ABAT: variants seen among roughly 807,000 people sequenced by gnomAD.
ABAT encodes the protein 4-aminobutyrate aminotransferase, also known as 4-aminobutyrate aminotransferase, mitochondrial.
In ABAT, 45 loss-of-function variants were observed where a neutral mutation model predicts 64.6. The ratio of observed to expected loss-of-function variants is 0.70; its 90% CI spans 0.55 to 0.89. The LOEUF (loss-of-function observed/expected upper bound fraction) is 0.89. Among genes scored for constraint, ABAT ranks in the 40% least tolerant of loss-of-function variants. ABAT has a pLI of 0.00. For missense variants in ABAT, 633 were observed against 658.4 expected (o/e 0.96, Z 0.42); for synonymous variants, 297 against 250.5 (o/e 1.19, Z -1.75).
intron 1 of ABAT, chr16:8,722,678 A>C: frequency 1.8e-6 from 1 of 546,650 alleles, no homozygotes; most frequent in Non-Finnish European, 2.9e-6. Flanking sequence ...AGATTTCTCC[A>C]ACCTCCTTGG....
intron 1 of ABAT, among the ~76,000 whole-genome samples, chr16:8,732,218 T>G (rs868553452): frequency 0.01 from 1,307 of 125,308 alleles, 53 homozygotes; most frequent in African/African-American, 0.036. Context: ...TGTTTGTTTG[T>G]TTTTTTAATT....
chr16:8,778,591 A>G (rs1460417065), intron 14 of ABAT, among the ~76,000 whole-genome samples: 3 of 150,820 alleles, frequency 2.0e-5, no homozygotes, highest in Non-Finnish European at 4.4e-5. Flanking sequence ...CCTGGCCTAC[A>G]TTGTGAAACC....
At chr16:8,692,810 T>C (rs954609208) in intron 1 of ABAT, among the ~76,000 whole-genome samples, 1 of 152,200 alleles carries the variant, frequency 6.6e-6, no homozygotes, top group Non-Finnish European at 1.5e-5. Flanking sequence ...CCCTACTACA[T>C]TTAAGGAGAA....
At chr16:8,688,809 A>T (rs192856286) in intron 1 of ABAT, among the ~76,000 whole-genome samples, 1 of 152,286 alleles carries the variant, frequency 6.6e-6, no homozygotes, top group Non-Finnish European at 1.5e-5. Flanking sequence ...TGGGCATGGT[A>T]TCTCACACCT....
intron 1 of ABAT, among the ~76,000 whole-genome samples, chr16:8,723,827 A>ATTTTTTTT (rs1157410078): frequency 2.5e-5 from 1 of 40,348 alleles, no homozygotes; most frequent in Non-Finnish European, 4.0e-5. Context: ...ATATATATAT[A>ATTTTTTTT]TTTTTTTTTT....
At chr16:8,779,407 A>T in intron 14 of ABAT, 72 bp from the exon 15 acceptor site, 1 of 1,338,732 alleles carries the variant, frequency 7.5e-7, no homozygotes, top group Non-Finnish European at 1.1e-6. Flanking sequence ...CCTTTGACGA[A>T]GCACAGCCAT....
chr16:8,725,907 C>T (rs986889613), intron 1 of ABAT, among the ~76,000 whole-genome samples: 2 of 152,140 alleles, frequency 1.3e-5, no homozygotes, highest in Non-Finnish European at 2.9e-5. Context: ...CAGTGGGTGC[C>T]CTCCAACACA....
At chr16:8,767,167 T>A (rs2059969201) in intron 9 of ABAT, among the ~76,000 whole-genome samples, 1 of 152,104 alleles carries the variant, frequency 6.6e-6, no homozygotes, top group Non-Finnish European at 1.5e-5. Flanking sequence ...TGGAAACATG[T>A]TTGGATTCCC....
chr16:8,679,351 C>T (rs1370342372), intron 1 of ABAT, among the ~76,000 whole-genome samples: 1 of 152,124 alleles, frequency 6.6e-6, no homozygotes, highest in Non-Finnish European at 1.5e-5. Context: ...AAGCCTCCTT[C>T]CTTACTGTGG....
At chr16:8,760,756 T>A (rs961760643) in intron 6 of ABAT, among the ~76,000 whole-genome samples, 4 of 152,130 alleles carry the variant, frequency 2.6e-5, no homozygotes, top group African/African-American at 7.2e-5. Flanking sequence ...GGCAGAAGCG[T>A]CCTCAACAAC....
intron 6 of ABAT, among the ~76,000 whole-genome samples, chr16:8,763,679 C>T (rs1273401): frequency 0.99 from 150,129 of 152,340 alleles, 74,006 homozygotes; most frequent in Middle Eastern, 1. Context: ...GCAGGGATTA[C>T]AGGCGTGAGG....
At chr16:8,710,727 A>AGAGAGAGAGAGAGAGAGAGAGAGGGAGG (rs146344975) in intron 1 of ABAT, among the ~76,000 whole-genome samples, 2 of 103,700 alleles carry the variant, frequency 1.9e-5, no homozygotes, top group Non-Finnish European at 4.1e-5. Flanking sequence ...AGAGAGAGAG[A>AGAGAGAGAGAGAGAGAGAGAGAGGGAGG]GAGGAAATAG....
intron 12 of ABAT, among the ~76,000 whole-genome samples, chr16:8,774,224 G>A (rs1055604753): frequency 1.3e-5 from 2 of 152,134 alleles, no homozygotes; most frequent in Non-Finnish European, 2.9e-5. Context: ...GAGCCACCGC[G>A]CCTTGCCGAG....
At chr16:8,717,639 C>G (rs970309329) in intron 1 of ABAT, among the ~76,000 whole-genome samples, 1 of 152,162 alleles carries the variant, frequency 6.6e-6, no homozygotes, top group African/African-American at 2.4e-5. Flanking sequence ...TCAGGCACCT[C>G]TTTCTGTTCC....
chr16:8,688,223 G>A (rs1174125820), intron 1 of ABAT, among the ~76,000 whole-genome samples: 2 of 152,078 alleles, frequency 1.3e-5, no homozygotes, highest in Non-Finnish European at 2.9e-5. Context: ...ACAAGACACT[G>A]GGTAACACTG....
intron 2 of ABAT, among the ~76,000 whole-genome samples, chr16:8,742,850 A>C (rs2059202380): frequency 7.8e-6 from 1 of 128,684 alleles, no homozygotes. Flanking sequence ...TGGGCGACAG[A>C]GTGAGACCCT....
At chr16:8,737,589 T>A (rs2058986054) in intron 2 of ABAT, 1 of 152,032 alleles carries the variant, frequency 6.6e-6, no homozygotes, top group Non-Finnish European at 1.5e-5. Flanking sequence ...TTTCCTCCCT[T>A]GTTAACATCT....
At chr16:8,706,766 A>T (rs533760586) in intron 1 of ABAT, among the ~76,000 whole-genome samples, 5 of 152,230 alleles carry the variant, frequency 3.3e-5, no homozygotes, top group Non-Finnish European at 5.9e-5. Context: ...TGATGAGTGG[A>T]AAGAATTACG....
At chr16:8,759,899 AC>A (rs1300462310) in intron 6 of ABAT, among the ~76,000 whole-genome samples, 13 of 151,960 alleles carry the variant, frequency 8.6e-5, no homozygotes, top group African/African-American at 3.1e-4. Context: ...GTGTATCTTT[AC>A]CTCGTCTGGC....
Sources: gnomAD v4.1 joint callset for allele counts (sites outside exome capture counted in the v4.1 genomes callset) on GRCh38, gnomAD v4.1.1 for gene constraint, MANE v1.5 for transcripts, NCBI Gene and HGNC (gene_info 2026-07-23, HGNC 2026-07-21) for gene names.